The following CCDC33 variants were observed in gnomAD, a reference collection of about 807,000 sequenced individuals.
The protein encoded by CCDC33 is coiled-coil domain-containing protein 33.
CCDC33 carries 94 observed loss-of-function variants against 91.9 expected under a neutral mutation model. The observed-to-expected ratio is 1.02, with a 90% CI of 0.87 to 1.21. The LOEUF is 1.21. Ranked by LOEUF, CCDC33 falls within the 50% of genes most tolerant of loss-of-function variation. The pLI, the probability that CCDC33 is intolerant of heterozygous loss-of-function variation, is 0.00. For synonymous variants in CCDC33, 396 were observed against 374.5 expected (o/e 1.06, Z -0.66); for missense variants, 940 against 935.5 (o/e 1.00, Z -0.06).
Position 74,279,165 on chromosome 15 carries a change from A to G in CCDC33, c.760-798A>G, listed in dbSNP as rs569012488. 1.6e-4 allele frequency among the ~76,000 whole-genome samples: 24 copies of G among 152,354 alleles called. No individual in the cohort carries two copies. The South Asian group carries it at 3.5e-3, about 22-fold the overall frequency. ...CCATTTTAGGTAGTTGTACTAAGGA[A>G]GTAATTTGCGACATGAAGATATGTA... On this transcript the variant is annotated intron_variant, in intron 7 of 18. Coordinates refer to ENST00000398814, the MANE Select transcript of CCDC33 (RefSeq NM_025055.5).
At chr15:74,318,451 C>T (rs753391557) in intron 11 of CCDC33, 9 of 552,506 alleles carry the variant, frequency 1.6e-5, no homozygotes, top group East Asian at 3.4e-5. Flanking sequence ...AGACACCCCC[C>T]ACCCTGGAAC....
intron 1 of CCDC33, chr15:74,243,615 A>G: frequency 4.4e-6 from 2 of 456,290 alleles, no homozygotes; most frequent in Non-Finnish European, 8.8e-6. Context: ...GGAAGCTGTG[A>G]GTGGCTAGTG....
At chr15:74,295,611 T>C in intron 10 of CCDC33, 143 bp from the exon 11 acceptor site, 1 of 605,104 alleles carries the variant, frequency 1.7e-6, no homozygotes, top group Non-Finnish European at 2.8e-6. Flanking sequence ...AAGGGGCAGA[T>C]GGTAGGAGGT....
intron 7 of CCDC33, among the ~76,000 whole-genome samples, chr15:74,275,185 CTG>C (rs1400485027): frequency 6.6e-6 from 1 of 152,268 alleles, no homozygotes; most frequent in African/African-American, 2.4e-5. Flanking sequence ...CCAACTGTCA[CTG>C]TGCAAAAGCA....
upstream of CCDC33, among the ~76,000 whole-genome samples, chr15:74,216,447 T>C (rs1045936034): frequency 5.4e-5 from 8 of 148,798 alleles, no homozygotes; most frequent in African/African-American, 2.0e-4. Context: ...TCTCAGCTTC[T>C]CCCTGGGGGA....
intron 11 of CCDC33, among the ~76,000 whole-genome samples, chr15:74,310,365 C>T (rs1229282212): frequency 6.6e-6 from 1 of 151,876 alleles, no homozygotes; most frequent in African/African-American, 2.4e-5. Flanking sequence ...GGTGAAACCC[C>T]GTTTCTACTA....
intron 11 of CCDC33, among the ~76,000 whole-genome samples, chr15:74,326,593 G>C (rs1245129510): frequency 6.6e-6 from 1 of 152,262 alleles, no homozygotes; most frequent in Non-Finnish European, 1.5e-5. Context: ...AAGGACACCT[G>C]ACATTTCTCA....
intron 11 of CCDC33, among the ~76,000 whole-genome samples, chr15:74,298,853 C>T (rs990850399): frequency 6.6e-6 from 1 of 151,722 alleles, no homozygotes; most frequent in Non-Finnish European, 1.5e-5. Flanking sequence ...GCTGGGATTA[C>T]AGGCGGGCGC....
rs1247115905 is a variant in CCDC33, at chr15:74,218,813, G to T, written c.627G>T (p.Gln209His). ...CAGACAGCCCTCCCAGGGCTGGCCAGCCAGAACTGATGTCACCATGCCCAG... is the reference window on the plus strand; with the variant it reads ...CAGACAGCCCTCCCAGGGCTGGCCATCCAGAACTGATGTCACCATGCCCAG... Residue 209 changes from glutamine (Q) to histidine (H), a missense_variant, in exon 2 of 3, where the codon CAG becomes CAT. Gln to His is a conservative substitution (Grantham distance 24, BLOSUM62 0). Transcript: ENST00000635913. This position sits in a 1 kb window ranked among gnomAD's most constrained non-coding sequence, Gnocchi z 4.8. 3.1e-6 allele frequency: 4 copies of T among 1,280,188 alleles called. No homozygotes were observed. Among genetic ancestry groups the T allele is most frequent in the Non-Finnish European group, 4.1e-6 (4 of 983,532 alleles). 79.3% of individuals were successfully genotyped at this position (1,280,188 alleles called of 1,614,324 possible).
At chr15:74,265,026 A>C (rs2076130476) in intron 3 of CCDC33, among the ~76,000 whole-genome samples, 1 of 152,174 alleles carries the variant, frequency 6.6e-6, no homozygotes, top group South Asian at 2.1e-4. Flanking sequence ...CATGGATCCC[A>C]TATGACAAGC....
upstream of CCDC33, among the ~76,000 whole-genome samples, chr15:74,235,205 G>C (rs2075110812): frequency 6.6e-6 from 1 of 152,214 alleles, no homozygotes. Context: ...AAAATTAGGA[G>C]TGGGGTTCCT....
intron 11 of CCDC33, among the ~76,000 whole-genome samples, chr15:74,304,688 C>T (rs1406958120): frequency 6.6e-6 from 1 of 152,156 alleles, no homozygotes; most frequent in African/African-American, 2.4e-5. Flanking sequence ...CCACCCCCAG[C>T]CCCCAGCCCT....
intron 1 of CCDC33, among the ~76,000 whole-genome samples, chr15:74,204,940 A>G (rs111459584): frequency 1.8e-3 from 280 of 151,732 alleles, no homozygotes; most frequent in African/African-American, 6.4e-3. Flanking sequence ...ATCTCAAAAA[A>G]AAAGAAAGAA....
chr15:74,217,521 C>T lies in CCDC33; in HGVS notation c.250C>T (p.Gln84Ter). 1 of 1,285,702 alleles carries T rather than the reference C, an allele frequency of 7.8e-7. No homozygotes were observed. The highest frequency in any genetic ancestry group is 1.0e-6 in the Non-Finnish European group (1 of 986,218). The allele number at this position is 1,285,702 out of a possible 1,614,324, so 79.6% of individuals were successfully genotyped here. A position where few individuals can be genotyped will look rare whatever the true frequency, so the allele number is the denominator to read the frequency against. ...TGCTATCACTGATGTCATTGAGCAG[C>T]AGGAGCCTGGCCAGAGCCTCACCCT... Residue 84 changes from glutamine to a stop codon, truncating the protein, a stop_gained, in exon 1 of 3, where the codon CAG becomes TAG. Coordinates refer to the CCDC33 transcript ENST00000635913. LOFTEE classifies it high-confidence loss of function.
At chr15:74,265,338 T>C (rs2076138026) in intron 3 of CCDC33, among the ~76,000 whole-genome samples, 1 of 152,212 alleles carries the variant, frequency 6.6e-6, no homozygotes, top group South Asian at 2.1e-4. Context: ...TCCTGTTCTC[T>C]GTTTTGTATC....
intron 2 of CCDC33, among the ~76,000 whole-genome samples, chr15:74,260,864 A>G (rs1214347064): frequency 1.3e-5 from 2 of 152,214 alleles, no homozygotes; most frequent in African/African-American, 4.8e-5. Flanking sequence ...AATCATATTT[A>G]TATTTTAATA....
chr15:74,295,680 A>C, intron 10 of CCDC33, 74 bp from the exon 11 acceptor site: 1 of 1,303,254 alleles, frequency 7.7e-7, no homozygotes, highest in Non-Finnish European at 1.1e-6. Flanking sequence ...CTTGGGGTGT[A>C]GATGGTGTGC....
chr15:74,204,690 T>C (rs1179228776), intron 1 of CCDC33, among the ~76,000 whole-genome samples: 1 of 152,198 alleles, frequency 6.6e-6, no homozygotes, highest in East Asian at 1.9e-4. Context: ...CCTAGCACTT[T>C]GGGAGGCCGA....
chr15:74,332,528 G>A (rs1297057716), intron 15 of CCDC33, 151 bp from the exon 16 acceptor site: 21 of 752,454 alleles, frequency 2.8e-5, no homozygotes, highest in South Asian at 8.7e-5. Flanking sequence ...CAGCCTGTGT[G>A]CACCTGATCC....
Sources: gnomAD v4.1 joint callset for allele counts (sites outside exome capture counted in the v4.1 genomes callset) on GRCh38, gnomAD v4.1.1 for gene constraint, Gnocchi (gnomAD v3.1) non-coding constraint, MANE v1.5 for transcripts, NCBI Gene and HGNC (gene_info 2026-07-23, HGNC 2026-07-21) for gene names.